Variants in ACTR1A observed in about 807,000 individuals in gnomAD.
The protein encoded by ACTR1A is actin related protein 1A.
In ACTR1A, 10 loss-of-function variants were observed where a neutral mutation model predicts 50.7. That is an observed-to-expected ratio of 0.20 (90% CI 0.12 to 0.33). The LOEUF is 0.33. ACTR1A is among the 10% of genes least tolerant of loss of function. The probability of loss-of-function intolerance (pLI) is 1.00; values close to 1 mark genes in which losing one functional copy is unlikely to be tolerated. For missense variants in ACTR1A, 253 were observed against 491.7 expected (o/e 0.51, Z 4.59); for synonymous variants, 177 against 184.2 (o/e 0.96, Z 0.32).
At position 102,488,088 on chromosome 10, in the gene ACTR1A, G is replaced by C. The variant is rs541280446; in HGVS notation, c.315+62C>G. The C allele has an allele frequency of 1.3e-6, 2 of 1,564,498 alleles. No homozygotes were observed. Among genetic ancestry groups the C allele is most frequent in the African/African-American group, 2.7e-5 (2 of 74,270 alleles). On this transcript the variant is annotated intron_variant, in intron 4 of 10. Coordinates refer to ENST00000369905, the MANE Select transcript of ACTR1A (RefSeq NM_005736.4). The surrounding 1 kb of genome is among the most constrained non-coding windows in gnomAD (Gnocchi z 4.4). ...ATCATCGTCCTCCTCATCATCTCTA[G>C]GGTAGGAGTTTGACACAGCTTTGCA...
rs962986013 is a variant in ACTR1A at position 102,480,473 on chromosome 10, G to A, written c.*390C>T. On this transcript the variant is annotated 3_prime_UTR_variant, in exon 11 of 11. Coordinates refer to ENST00000369905, the MANE Select transcript of ACTR1A (RefSeq NM_005736.4). ...GCCTCAGGGCACCCTGGGGGTGGGG[G>A]TGAGGGTGGGGCCAGCCCAGCCTAG... 1 of 215,550 alleles carries A rather than the reference G, an allele frequency of 4.6e-6. No homozygotes were observed. Among genetic ancestry groups the A allele is most frequent in the Non-Finnish European group, 9.4e-6 (1 of 106,896 alleles). 13.4% of individuals were successfully genotyped at this position (215,550 alleles called of 1,614,324 possible). A position where few individuals can be genotyped will look rare whatever the true frequency, so the allele number is the denominator to read the frequency against.
At chr10:102,483,646 C>T (rs1299140481) in intron 6 of ACTR1A, 2 of 165,058 alleles carry the variant, frequency 1.2e-5, no homozygotes, top group Non-Finnish European at 2.7e-5. Flanking sequence ...TGAGACCAGC[C>T]TGATCAACAT....
chr10:102,483,953 C>G, intron 6 of ACTR1A: 1 of 582,806 alleles, frequency 1.7e-6, no homozygotes. Flanking sequence ...GAAATGGAAG[C>G]AGCTCCCTTT....
intron 1 of ACTR1A, among the ~76,000 whole-genome samples, chr10:102,493,904 G>A (rs1280549456): frequency 1.3e-5 from 2 of 152,220 alleles, no homozygotes; most frequent in Non-Finnish European, 2.9e-5. Context: ...CAGCAAAGGG[G>A]AAAGCAGCAC....
At chr10:102,501,714 C>T (rs1369657216) in intron 1 of ACTR1A, among the ~76,000 whole-genome samples, 1 of 152,158 alleles carries the variant, frequency 6.6e-6, no homozygotes, top group African/African-American at 2.4e-5. Flanking sequence ...GTTTTCTCAT[C>T]GGTAACACGA....
At chr10:102,481,294 C>G in intron 9 of ACTR1A, 122 bp from the exon 10 acceptor site, 1 of 1,099,548 alleles carries the variant, frequency 9.1e-7, no homozygotes, top group South Asian at 1.8e-5. Context: ...GCTCTGGCCT[C>G]TCTGGAGGGC....
In ACTR1A at chr10:102,489,864, T is replaced by C. The variant is rs567504680; in HGVS notation, c.113+685A>G. Among the ~76,000 whole-genome samples the C allele has an allele frequency of 9.2e-5, 12 of 131,032 alleles. No homozygotes were observed. In the South Asian group the frequency reaches 2.8e-3, roughly 31 times the overall value. The allele number at this position is 131,032 out of a possible 152,430, so 86.0% of individuals were successfully genotyped here. ...ATAGATCGGACAGATAGCCTCTTCC[T>C]TTCCTCCCCCTTTAAGCCCTTCCTG... On this transcript the variant is annotated intron_variant, in intron 2 of 10. Coordinates refer to ENST00000369905, the MANE Select transcript of ACTR1A (RefSeq NM_005736.4).
In ACTR1A at chr10:102,481,149, C is replaced by T; in HGVS notation, c.1011G>A (p.Leu337=). 1 of 1,607,604 alleles carries T rather than the reference C, an allele frequency of 6.2e-7. No homozygotes were observed. Among genetic ancestry groups the T allele is most frequent in the Non-Finnish European group, 8.5e-7 (1 of 1,176,560 alleles). Residue 337 remains leucine, a synonymous_variant, in exon 10 of 11, where the codon CTG becomes CTA. Transcript: ENST00000369905. ...CTACTCACCCAATCCACGTGGAATA[C>T]AGTCTCTCCTGAGGTGCAGATATCT... ...KIRISAPQER[L]YSTWIGGSIL...
chr10:102,479,424 G>T lies in ACTR1A; in HGVS notation c.*1439C>A. The T allele has an allele frequency of 2.6e-6, 1 of 384,650 alleles. No individual in the cohort carries two copies. The highest frequency in any genetic ancestry group is 4.9e-6 in the Non-Finnish European group (1 of 204,198). The allele number at this position is 384,650 out of a possible 1,614,324, so 23.8% of individuals were successfully genotyped here. A position where few individuals can be genotyped will look rare whatever the true frequency, so the allele number is the denominator to read the frequency against. ...TGGCCCACACCTGGCAGGGGCCTTT[G>T]GTCATAGGACGGCGTGGGGGAGAAT... On this transcript the variant is annotated 3_prime_UTR_variant, in exon 11 of 11. Transcript: ENST00000369905. The surrounding 1 kb of genome is among the most constrained non-coding windows in gnomAD (Gnocchi z 4.0).
chr10:102,492,069 C>T (rs1379187163), intron 1 of ACTR1A, among the ~76,000 whole-genome samples: 5 of 92,342 alleles, frequency 5.4e-5, no homozygotes, highest in African/African-American at 1.4e-4. Flanking sequence ...CGTGCCCGGC[C>T]TTTTTTTTTT....
intron 1 of ACTR1A, among the ~76,000 whole-genome samples, chr10:102,502,152 A>T (rs1344889381): frequency 2.0e-5 from 3 of 152,172 alleles, no homozygotes; most frequent in Admixed American, 6.5e-5. Context: ...CCCCTTCAAG[A>T]GGGAAAACAA....
intron 1 of ACTR1A, among the ~76,000 whole-genome samples, chr10:102,494,943 T>A (rs961954200): frequency 6.6e-6 from 1 of 152,104 alleles, no homozygotes; most frequent in Non-Finnish European, 1.5e-5. Context: ...CCTGAGTAGT[T>A]GTTGTTACAG....
At position 102,493,309 on chromosome 10, in the gene ACTR1A, A is replaced by G. The variant is rs2062204681; in HGVS notation, c.49-2696T>C. 2.0e-5 allele frequency among the ~76,000 whole-genome samples: 3 copies of G among 152,200 alleles called. No individual in the cohort carries two copies. In the South Asian group the frequency reaches 6.2e-4, roughly 31 times the overall value. On this transcript the variant is annotated intron_variant, in intron 1 of 10. Transcript: ENST00000369905. ...AACTTGTTTGCTCAGGCTTCCAATG[A>G]TTGCTCACTGCCTTCATCTGGGTGT...
chr10:102,484,491 C>A, intron 5 of ACTR1A, 115 bp from the exon 6 acceptor site: 1 of 910,302 alleles, frequency 1.1e-6, no homozygotes. Context: ...TGCCTCTCTC[C>A]AGGGTCTGTA....
chr10:102,479,720 G>A lies in ACTR1A; in HGVS notation c.*1143C>T, dbSNP rs1321156126. 1.6e-6 allele frequency: 2 copies of A among 1,275,910 alleles called. No individual in the cohort carries two copies. The highest frequency in any genetic ancestry group is 2.0e-6 in the Non-Finnish European group (2 of 977,818). The allele number at this position is 1,275,910 out of a possible 1,614,324, so 79.0% of individuals were successfully genotyped here. On this transcript the variant is annotated 3_prime_UTR_variant, in exon 11 of 11. Transcript: ENST00000369905. This position sits in a 1 kb window ranked among gnomAD's most constrained non-coding sequence, Gnocchi z 4.0. ...CCCCTGGTCAGCTACAGTGGCAAAAGGCAACTTGGTAAATTGCAGCTTTCT... is the reference window on the plus strand; with the variant it reads ...CCCCTGGTCAGCTACAGTGGCAAAAAGCAACTTGGTAAATTGCAGCTTTCT...
rs1470316154 is a variant in ACTR1A at position 102,502,665 on chromosome 10, T to C, written c.-18A>G. The C allele has an allele frequency of 1.2e-6, 2 of 1,613,852 alleles. No individual in the cohort carries two copies. Among genetic ancestry groups the C allele is most frequent in the African/African-American group, 2.7e-5 (2 of 74,956 alleles). On this transcript the variant is annotated 5_prime_UTR_variant, in exon 1 of 11. Coordinates refer to ENST00000369905, the MANE Select transcript of ACTR1A (RefSeq NM_005736.4). ...GACTCCATGGCAGAGGAATCTCTCC[T>C]TCTGGGGAAGGAACTGCCCAGCCGG...
chr10:102,482,834 T>C lies in ACTR1A; in HGVS notation c.750+177A>G, dbSNP rs1331127114. The stretch of plus-strand genomic sequence containing the variant: ...AATGTTTTAAGAAAGTTTACGACTT[T>C]GTGTTGGGCCTTACTGAAAGCCATC... On this transcript the variant is annotated intron_variant, in intron 7 of 10. Transcript: ENST00000369905. This position sits in a 1 kb window ranked among gnomAD's most constrained non-coding sequence, Gnocchi z 5.6. The C allele has an allele frequency of 1.6e-6, 1 of 617,852 alleles. No homozygotes were observed. Among genetic ancestry groups the C allele is most frequent in the African/African-American group, 1.8e-5 (1 of 54,650 alleles). The allele number at this position is 617,852 out of a possible 1,614,324, so 38.3% of individuals were successfully genotyped here.
chr10:102,484,663 G>A (rs970927984), intron 5 of ACTR1A, among the ~76,000 whole-genome samples: 1 of 152,122 alleles, frequency 6.6e-6, no homozygotes, highest in Non-Finnish European at 1.5e-5. Context: ...CCAGCCTAGG[G>A]GCCAGTTTTA....
chr10:102,480,530 G>A lies in ACTR1A; in HGVS notation c.*333C>T. ...CAGCAGCAAGGTCTCCCGGGGGATG[G>A]CTTACCTCCCTCTGTCTCCCTGTGG... On this transcript the variant is annotated 3_prime_UTR_variant, in exon 11 of 11. Transcript: ENST00000369905. The A allele has an allele frequency of 2.9e-6, 1 of 339,356 alleles. No individual in the cohort carries two copies. The highest frequency in any genetic ancestry group is 5.5e-6 in the Non-Finnish European group (1 of 180,650). 21.0% of individuals were successfully genotyped at this position (339,356 alleles called of 1,614,324 possible).
Sources: gnomAD v4.1 joint callset for allele counts (sites outside exome capture counted in the v4.1 genomes callset) on GRCh38, gnomAD v4.1.1 for gene constraint, Gnocchi (gnomAD v3.1) non-coding constraint, MANE v1.5 for transcripts, NCBI Gene and HGNC (gene_info 2026-07-23, HGNC 2026-07-21) for gene names.